Variants in RPS6KA2 observed in about 807,000 individuals in gnomAD.
RPS6KA2 encodes ribosomal protein S6 kinase A2.
RPS6KA2 carries 42 observed loss-of-function variants against 91.8 expected under a neutral mutation model. The observed-to-expected ratio is 0.46, with a 90% CI of 0.36 to 0.59. The LOEUF (loss-of-function observed/expected upper bound fraction) is 0.59. Ranked by LOEUF, RPS6KA2 falls within the 20% of genes least tolerant of loss-of-function variation. The pLI is 0.00. For missense variants in RPS6KA2, 798 were observed against 978.5 expected (o/e 0.82, Z 2.46); for synonymous variants, 414 against 393.6 (o/e 1.05, Z -0.61).
chr6:166,732,482 C>T lies in RPS6KA2; in HGVS notation c.123+125718G>A, dbSNP rs1303826700. Among the ~76,000 whole-genome samples, 1 of 152,190 alleles carries T rather than the reference C, an allele frequency of 6.6e-6. No individual in the cohort carries two copies. The highest frequency in any genetic ancestry group is 1.5e-5 in the Non-Finnish European group (1 of 68,036). ...GTGACTTCCATCAGGCTACAAACAT[C>T]CTGGGACAGTGAACCGGGAATCACT... On this transcript the variant is annotated intron_variant, in intron 2 of 21. Coordinates refer to the RPS6KA2 transcript ENST00000503859. The surrounding 1 kb of genome is among the most constrained non-coding windows in gnomAD (Gnocchi z 4.0).
At chr6:166,642,559 A>G (rs1787477200) in intron 2 of RPS6KA2, among the ~76,000 whole-genome samples, 1 of 152,262 alleles carries the variant, frequency 6.6e-6, no homozygotes, top group African/African-American at 2.4e-5. Flanking sequence ...GAAGATAAAG[A>G]GGCTTGATTA....
At chr6:166,772,224 G>C (rs1483749523) in intron 2 of RPS6KA2, among the ~76,000 whole-genome samples, 2 of 152,102 alleles carry the variant, frequency 1.3e-5, no homozygotes, top group African/African-American at 4.8e-5. Context: ...TAGTTCCATG[G>C]AGTCCAGGTG....
chr6:166,826,531 A>C (rs1780052192), intron 2 of RPS6KA2, among the ~76,000 whole-genome samples: 1 of 152,248 alleles, frequency 6.6e-6, no homozygotes, highest in Non-Finnish European at 1.5e-5. Context: ...GACAACTCTG[A>C]GATTTGGCTC....
Position 166,701,191 on chromosome 6 carries a change from AC to A in RPS6KA2, c.123+157008del, listed in dbSNP as rs1789507586. 3 of 1,612,162 alleles carry A rather than the reference AC, an allele frequency of 1.9e-6. No individual in the cohort carries two copies. In the African/African-American group the frequency reaches 4.0e-5, roughly 22 times the overall value. ...AATTTCCTGAATTTTTCTCTGGGCA[AC>A]CTGGCAAGCATAGAAGTGACCAGTT... On this transcript the variant is annotated intron_variant, in intron 2 of 21. Transcript: ENST00000503859.
chr6:166,637,648 T>C (rs1394216972), intron 2 of RPS6KA2, among the ~76,000 whole-genome samples: 1 of 151,622 alleles, frequency 6.6e-6, no homozygotes, highest in Non-Finnish European at 1.5e-5. Context: ...TGTCCAAGAG[T>C]GGGAAGAAAA....
At chr6:166,678,708 TG>T (rs1788689207) in intron 2 of RPS6KA2, among the ~76,000 whole-genome samples, 1 of 152,122 alleles carries the variant, frequency 6.6e-6, no homozygotes. Context: ...AAAGGCCAGG[TG>T]GTGACCTTTG....
rs776111208 is a variant in RPS6KA2, at chr6:166,648,197, TAC to T, written c.124-109415_124-109414del. ...GCTCACACACATGCACACATGCTCA[TAC>T]ACACACTCATGCACACACACGCACA... On this transcript the variant is annotated intron_variant, in intron 2 of 21. Transcript: ENST00000503859. The surrounding 1 kb of genome is among the most constrained non-coding windows in gnomAD (Gnocchi z 4.8). Among the ~76,000 whole-genome samples, 7 of 65,800 alleles carry T rather than the reference TAC, an allele frequency of 1.1e-4. No homozygotes were observed. Among genetic ancestry groups the T allele is most frequent in the African/African-American group, 3.4e-4 (5 of 14,626 alleles). 43.2% of individuals were successfully genotyped at this position (65,800 alleles called of 152,430 possible).
At chr6:166,427,321 G>T (rs1369422306) in intron 16 of RPS6KA2, among the ~76,000 whole-genome samples, 82 of 152,074 alleles carry the variant, frequency 5.4e-4, no homozygotes, top group Non-Finnish European at 6.9e-4. Context: ...AAGAGCTATC[G>T]ATGACAAACC....
rs1349522402 is a variant in RPS6KA2 at position 166,852,267 on chromosome 6, G to A, written c.123+5933C>T. On this transcript the variant is annotated intron_variant, in intron 2 of 21. Transcript: ENST00000503859. This position sits in a 1 kb window ranked among gnomAD's most constrained non-coding sequence, Gnocchi z 4.1. ...CGCCACAGAGACAGATTCACAGGAG[G>A]TAATAAGCAGGGCCTGGAAGATTGT... 6.6e-6 allele frequency among the ~76,000 whole-genome samples: 1 copy of A among 152,150 alleles called. No homozygotes were observed. Among genetic ancestry groups the A allele is most frequent in the Non-Finnish European group, 1.5e-5 (1 of 68,028 alleles).
chr6:166,851,882 C>T (rs1017057435), intron 2 of RPS6KA2, among the ~76,000 whole-genome samples: 2 of 152,202 alleles, frequency 1.3e-5, no homozygotes, highest in African/African-American at 4.8e-5. Context: ...TGACAAGAGC[C>T]AGACTTCTTG....
rs914554755 is a variant in RPS6KA2, at chr6:166,732,107, CTT to C, written c.123+126091_123+126092del. ...ATACCTTTTCCAGAGACCTTAATTC[CTT>C]TTTCTTTTCCTTTTTGTTTTACCAA... On this transcript the variant is annotated intron_variant, in intron 2 of 21. Coordinates refer to the RPS6KA2 transcript ENST00000503859. This position sits in a 1 kb window ranked among gnomAD's most constrained non-coding sequence, Gnocchi z 4.0. Among the ~76,000 whole-genome samples the C allele has an allele frequency of 5.3e-5, 8 of 151,396 alleles. No individual in the cohort carries two copies. The highest frequency in any genetic ancestry group is 1.9e-4 in the African/African-American group (8 of 41,198).
intron 2 of RPS6KA2, among the ~76,000 whole-genome samples, chr6:166,816,961 C>T (rs1291869580): frequency 1.4e-4 from 21 of 152,192 alleles, no homozygotes; most frequent in Non-Finnish European, 1.3e-4. Context: ...TCCGAGTCCA[C>T]GCCCCAAACA....
At chr6:166,529,853 C>T (rs1710114600) in intron 3 of RPS6KA2, among the ~76,000 whole-genome samples, 1 of 152,208 alleles carries the variant, frequency 6.6e-6, no homozygotes, top group Non-Finnish European at 1.5e-5. Context: ...CCAAAGTGGT[C>T]AACTTCTGCA....
rs73790225 is a variant in RPS6KA2 at position 166,469,136 on chromosome 6, G to C, written c.972+705C>G. On this transcript the variant is annotated intron_variant, in intron 11 of 20. Transcript: ENST00000265678. ...TCCCTGTGTGGGGGACGCGTCAGAC[G>C]CTGACTGCTTCACCATTCGGAGTTG... 5.6e-3 allele frequency among the ~76,000 whole-genome samples: 849 copies of C among 152,270 alleles called. 7 individuals carry two copies. The highest frequency in any genetic ancestry group is 0.019 in the African/African-American group (784 of 41,552).
chr6:166,433,878 C>A lies in RPS6KA2; in HGVS notation c.1333-1388G>T, dbSNP rs1779214142. Among the ~76,000 whole-genome samples, 1 of 152,138 alleles carries A rather than the reference C, an allele frequency of 6.6e-6. No individual in the cohort carries two copies. The highest frequency in any genetic ancestry group is 2.4e-5 in the African/African-American group (1 of 41,444). On this transcript the variant is annotated intron_variant, in intron 14 of 20. Transcript: ENST00000265678. This position sits in a 1 kb window ranked among gnomAD's most constrained non-coding sequence, Gnocchi z 4.4. Reference sequence around the variant, plus strand: ...CAAGTGATCCTCCTGCCTCAGCCTCCAGAATAACTAGGACTACAGAGGTGT... The same window carrying A: ...CAAGTGATCCTCCTGCCTCAGCCTCAAGAATAACTAGGACTACAGAGGTGT...
At chr6:166,745,683 G>C (rs747182807) in intron 2 of RPS6KA2, among the ~76,000 whole-genome samples, 1 of 151,652 alleles carries the variant, frequency 6.6e-6, no homozygotes. Flanking sequence ...ACGAGAGGGG[G>C]TGACAACAGT....
intron 2 of RPS6KA2, among the ~76,000 whole-genome samples, chr6:166,790,339 G>T (rs1010327373): frequency 4.6e-5 from 7 of 152,198 alleles, no homozygotes; most frequent in African/African-American, 1.7e-4. Flanking sequence ...AATGAACAAA[G>T]CTTCCAAGAA....
intron 11 of RPS6KA2, chr6:166,463,407 C>G (rs1027685163): frequency 1.3e-5 from 2 of 152,196 alleles, no homozygotes; most frequent in African/African-American, 2.4e-5. Flanking sequence ...CATGCCGAAA[C>G]CGACGAGAGA....
At chr6:166,761,760 CT>C (rs1778176382) in intron 2 of RPS6KA2, among the ~76,000 whole-genome samples, 1 of 152,308 alleles carries the variant, frequency 6.6e-6, no homozygotes, top group African/African-American at 2.4e-5. Flanking sequence ...TGAGTTGTAC[CT>C]TTCCCCTTCC....
Sources: gnomAD v4.1 joint callset for allele counts (sites outside exome capture counted in the v4.1 genomes callset) on GRCh38, gnomAD v4.1.1 for gene constraint, Gnocchi (gnomAD v3.1) non-coding constraint, MANE v1.5 for transcripts, NCBI Gene and HGNC (gene_info 2026-07-23, HGNC 2026-07-21) for gene names.